GRM8: variants seen among roughly 807,000 people sequenced by gnomAD.
GRM8 encodes the protein glutamate metabotropic receptor 8.
A neutral mutation model predicts 87.2 loss-of-function variants in GRM8; 47 were observed. The ratio of observed to expected loss-of-function variants is 0.54; its 90% CI spans 0.43 to 0.69. GRM8 has a LOEUF of 0.69. GRM8 is among the 30% of genes least tolerant of loss of function. The probability of loss-of-function intolerance (pLI) is 0.00; values close to 1 mark genes in which losing one functional copy is unlikely to be tolerated. For missense variants in GRM8, 1,019 were observed against 1,139.2 expected (o/e 0.89, Z 1.52); for synonymous variants, 396 against 404.5 (o/e 0.98, Z 0.25).
intron 3 of GRM8, among the ~76,000 whole-genome samples, chr7:127,004,177 C>T (rs997335519): frequency 6.6e-6 from 1 of 151,442 alleles, no homozygotes; most frequent in African/African-American, 2.4e-5. Flanking sequence ...GAAAATTCAC[C>T]ACAAATACTT....
intron 3 of GRM8, among the ~76,000 whole-genome samples, chr7:127,069,357 T>C (rs1371917187): frequency 6.6e-6 from 1 of 151,946 alleles, no homozygotes. Context: ...AGAGATGGAG[T>C]TTTGCCATGT....
chr7:127,206,263 G>T lies in GRM8; in HGVS notation c.510+36432C>A, dbSNP rs573876364. Among the ~76,000 whole-genome samples the T allele has an allele frequency of 9.7e-4, 147 of 152,242 alleles. 2 individuals are homozygous for T. In the South Asian group the frequency reaches 0.02, roughly 20 times the overall value. ...CCAGGCTGGATTCCCTAACCATTCTGGTAAGCCTATCAATAAGCTTGCCCA... is the reference window on the plus strand; with the variant it reads ...CCAGGCTGGATTCCCTAACCATTCTTGTAAGCCTATCAATAAGCTTGCCCA... On this transcript the variant is annotated intron_variant, in intron 2 of 10. Transcript: ENST00000339582.
At chr7:126,628,729 A>G (rs751919253) in intron 7 of GRM8, among the ~76,000 whole-genome samples, 3 of 152,218 alleles carry the variant, frequency 2.0e-5, no homozygotes, top group Non-Finnish European at 4.4e-5. Flanking sequence ...GGTAATTTAA[A>G]TACATGTTTA....
intron 6 of GRM8, among the ~76,000 whole-genome samples, chr7:126,782,585 A>G (rs1222885285): frequency 6.6e-6 from 1 of 152,204 alleles, no homozygotes; most frequent in Non-Finnish European, 1.5e-5. Context: ...CTTACTCCAA[A>G]GGGAAACTAT....
rs190227064 is a variant in GRM8, at chr7:126,927,980, A to G, written c.728-23297T>C. On this transcript the variant is annotated intron_variant, in intron 3 of 10. Coordinates refer to ENST00000339582, the MANE Select transcript of GRM8 (RefSeq NM_000845.3). Reference sequence around the variant, plus strand: ...GTGAAACCAACCCAAATGTCCATCAATGATAGACTGGATTAAGAAAATGTG... The same window carrying G: ...GTGAAACCAACCCAAATGTCCATCAGTGATAGACTGGATTAAGAAAATGTG... 1.3e-3 allele frequency among the ~76,000 whole-genome samples: 205 copies of G among 152,304 alleles called. 1 individual carries two copies. The highest frequency in any genetic ancestry group is 4.8e-3 in the African/African-American group (201 of 41,568).
chr7:126,598,413 T>G (rs1409345791), intron 8 of GRM8, among the ~76,000 whole-genome samples: 3 of 152,114 alleles, frequency 2.0e-5, no homozygotes, highest in Non-Finnish European at 4.4e-5. Flanking sequence ...CTTAAAATAG[T>G]AACAAGATTA....
chr7:127,174,269 T>C (rs990609574), intron 2 of GRM8, among the ~76,000 whole-genome samples: 1 of 152,178 alleles, frequency 6.6e-6, no homozygotes, highest in South Asian at 2.1e-4. Flanking sequence ...TCAGATGTTG[T>C]GCATGGCAGC....
At chr7:126,454,061 A>T (rs1388018573) in intron 9 of GRM8, among the ~76,000 whole-genome samples, 4 of 151,770 alleles carry the variant, frequency 2.6e-5, no homozygotes, top group Non-Finnish European at 5.9e-5. Context: ...ATTTGAACGG[A>T]TATCAAAATA....
chr7:127,132,968 T>G (rs747597015), intron 2 of GRM8, among the ~76,000 whole-genome samples: 2 of 152,188 alleles, frequency 1.3e-5, no homozygotes, highest in Non-Finnish European at 2.9e-5. Context: ...TACCAACGTT[T>G]TAAAAAGCAG....
rs970102730 is a variant in GRM8 at position 127,244,108 on chromosome 7, T to C, written c.-311-593A>G. On this transcript the variant is annotated intron_variant, in intron 1 of 10. Transcript: ENST00000339582. Reference sequence around the variant, plus strand: ...TTAACATAGAAAGTCAGCTATTTCATATAAATTGTCTTATTCTCTGGTAAG... The same window carrying C: ...TTAACATAGAAAGTCAGCTATTTCACATAAATTGTCTTATTCTCTGGTAAG... 3.3e-5 allele frequency among the ~76,000 whole-genome samples: 5 copies of C among 152,212 alleles called. No individual in the cohort carries two copies. The East Asian group carries it at 9.6e-4, about 29-fold the overall frequency.
At chr7:127,189,607 T>A (rs753242076) in intron 2 of GRM8, among the ~76,000 whole-genome samples, 3 of 152,126 alleles carry the variant, frequency 2.0e-5, no homozygotes, top group Non-Finnish European at 4.4e-5. Context: ...AAATGTTTAG[T>A]TAATATTTGC....
intron 4 of GRM8, 31 bp from the exon 5 acceptor site, chr7:126,904,157 A>T: frequency 6.4e-7 from 1 of 1,555,054 alleles, no homozygotes. Flanking sequence ...AATGCATATC[A>T]CATGTATTAA....
intron 7 of GRM8, among the ~76,000 whole-genome samples, chr7:126,614,489 C>T (rs184389263): frequency 9.2e-5 from 14 of 152,288 alleles, no homozygotes; most frequent in East Asian, 5.8e-4. Flanking sequence ...TCCAAAGGAA[C>T]GCAGCTCCTC....
chr7:126,813,556 C>A (rs370540576), intron 6 of GRM8, among the ~76,000 whole-genome samples: 2 of 152,088 alleles, frequency 1.3e-5, no homozygotes, highest in East Asian at 3.9e-4. Flanking sequence ...TATCTTAAAT[C>A]ATCATTGGTG....
At chr7:126,677,383 CA>C (rs1807084940) in intron 7 of GRM8, among the ~76,000 whole-genome samples, 1 of 146,028 alleles carries the variant, frequency 6.8e-6, no homozygotes, top group African/African-American at 2.5e-5. Flanking sequence ...AAAGCCATAT[CA>C]AAAAGACACC....
At chr7:127,156,527 C>T (rs537111628) in intron 2 of GRM8, among the ~76,000 whole-genome samples, 2 of 152,266 alleles carry the variant, frequency 1.3e-5, no homozygotes, top group South Asian at 2.1e-4. Context: ...CAAGTACAGG[C>T]TTTGGTGATA....
At chr7:126,577,926 C>T (rs1365513636) in intron 8 of GRM8, among the ~76,000 whole-genome samples, 1 of 152,136 alleles carries the variant, frequency 6.6e-6, no homozygotes, top group African/African-American at 2.4e-5. Flanking sequence ...CCAAACCCAA[C>T]CCATGCTTCT....
chr7:126,972,593 C>A (rs1468197811), intron 3 of GRM8, among the ~76,000 whole-genome samples: 1 of 151,990 alleles, frequency 6.6e-6, no homozygotes, highest in Non-Finnish European at 1.5e-5. Flanking sequence ...ATCTGCATTA[C>A]AAATGCTAGA....
At chr7:127,208,750 C>T (rs1337635212) in intron 2 of GRM8, among the ~76,000 whole-genome samples, 1 of 152,186 alleles carries the variant, frequency 6.6e-6, no homozygotes, top group African/African-American at 2.4e-5. Flanking sequence ...CCACTTGATT[C>T]GGTACACTTG....
Sources: allele counts gnomAD v4.1 joint callset (sites outside exome capture counted in the v4.1 genomes callset), GRCh38; gene constraint gnomAD v4.1.1; transcripts MANE v1.5; gene names NCBI Gene and HGNC (gene_info 2026-07-23, HGNC 2026-07-21).